The following DENND11 variants were observed in gnomAD, a reference collection of about 807,000 sequenced individuals.
The protein encoded by DENND11 is DENN domain containing 11, also known as DENN domain-containing protein 11.
DENND11 carries 34 observed loss-of-function variants against 49.2 expected under a neutral mutation model. The ratio of observed to expected loss-of-function variants is 0.69; its 90% CI spans 0.53 to 0.92. DENND11 has a LOEUF of 0.92. DENND11 is among the 40% of genes least tolerant of loss of function. The pLI, the probability that DENND11 is intolerant of heterozygous loss-of-function variation, is 0.00. For synonymous variants in DENND11, 238 were observed against 230.3 expected, an observed-to-expected ratio of 1.03 and a Z score of -0.30; for missense variants, 475 against 581.6, an observed-to-expected ratio of 0.82 and a Z score of 1.88.
At chr7:141,663,028 G>A in intron 8 of DENND11, 177 bp from the exon 9 acceptor site, 2 of 484,654 alleles carry the variant, frequency 4.1e-6, no homozygotes, top group South Asian at 8.5e-5. Flanking sequence ...GTGCTACTAA[G>A]GTTAGCAAAG....
intron 1 of DENND11, among the ~76,000 whole-genome samples, chr7:141,688,845 C>A (rs914120427): frequency 6.6e-6 from 1 of 152,150 alleles, no homozygotes; most frequent in Non-Finnish European, 1.5e-5. Flanking sequence ...AATAAGAGCC[C>A]CTGCTTGGGC....
intron 1 of DENND11, among the ~76,000 whole-genome samples, chr7:141,697,510 A>T (rs895570046): frequency 1.3e-5 from 2 of 152,216 alleles, no homozygotes; most frequent in Non-Finnish European, 2.9e-5. Flanking sequence ...TTCTGGCCGG[A>T]TATCAGAACA....
At chr7:141,692,054 T>A (rs1388270752) in intron 1 of DENND11, among the ~76,000 whole-genome samples, 1 of 152,196 alleles carries the variant, frequency 6.6e-6, no homozygotes, top group African/African-American at 2.4e-5. Context: ...CGTTTAGGAG[T>A]GACATATTAT....
rs78354123 is a variant in DENND11 at position 141,658,644 on chromosome 7, A to G, written c.*4012T>C. 6.6e-6 allele frequency: 1 copy of G among 152,198 alleles called. No homozygotes were observed. Among genetic ancestry groups the G allele is most frequent in the Non-Finnish European group, 1.5e-5 (1 of 68,100 alleles). 9.4% of individuals were successfully genotyped at this position (152,198 alleles called of 1,614,324 possible). On this transcript the variant is annotated 3_prime_UTR_variant, in exon 9 of 9. Transcript: ENST00000536163. ...CCACTGCCAAGCTGAGCATTATCCT[A>G]TTTTATTCATCCACCTGCCCCTCCT...
chr7:141,685,051 TA>T (rs1365999586), intron 3 of DENND11, among the ~76,000 whole-genome samples: 7 of 137,842 alleles, frequency 5.1e-5, no homozygotes, highest in African/African-American at 1.3e-4. Flanking sequence ...TATATATATA[TA>T]TATATATTTT....
chr7:141,690,224 G>C (rs1798305371), intron 1 of DENND11, among the ~76,000 whole-genome samples: 1 of 152,188 alleles, frequency 6.6e-6, no homozygotes. Flanking sequence ...ACCATCCCTT[G>C]ATCTTCCTTC....
At chr7:141,698,258 T>C (rs545113389) in intron 1 of DENND11, among the ~76,000 whole-genome samples, 2 of 152,264 alleles carry the variant, frequency 1.3e-5, no homozygotes, top group South Asian at 4.2e-4. Context: ...TGTGACAATA[T>C]CCTCTCCTTT....
At chr7:141,700,693 T>C (rs982885621) in intron 1 of DENND11, among the ~76,000 whole-genome samples, 1 of 151,948 alleles carries the variant, frequency 6.6e-6, no homozygotes, top group African/African-American at 2.4e-5. Context: ...AAGGCCTGAA[T>C]TGTCCCCACA....
At chr7:141,697,559 C>T (rs1038465833) in intron 1 of DENND11, among the ~76,000 whole-genome samples, 5 of 152,200 alleles carry the variant, frequency 3.3e-5, no homozygotes, top group African/African-American at 9.7e-5. Context: ...TCCATGCTTA[C>T]GACTGCTCTT....
At position 141,668,540 on chromosome 7, in the gene DENND11, C is replaced by T. The variant is rs60100646; in HGVS notation, c.682-2115G>A. Among the ~76,000 whole-genome samples, 714 of 152,294 alleles carry T rather than the reference C, an allele frequency of 4.7e-3. 8 individuals are homozygous for T. The highest frequency in any genetic ancestry group is 0.017 in the African/African-American group (688 of 41,566). ...GGCAGAGGTTGCAGTCAGTTGAGAT[C>T]ACACCACTGCCCTCCAGCCTGGGCA... On this transcript the variant is annotated intron_variant, in intron 4 of 8. Coordinates refer to ENST00000536163, the MANE Select transcript of DENND11 (RefSeq NM_001080392.2).
intron 1 of DENND11, among the ~76,000 whole-genome samples, chr7:141,691,391 T>A (rs112260925): frequency 0.011 from 1,612 of 152,330 alleles, 23 homozygotes; most frequent in African/African-American, 0.035. Flanking sequence ...ATCTTGATTA[T>A]GCCACTGTTG....
At chr7:141,670,685 G>T (rs538427531) in intron 4 of DENND11, among the ~76,000 whole-genome samples, 1 of 152,168 alleles carries the variant, frequency 6.6e-6, no homozygotes, top group African/African-American at 2.4e-5. Context: ...AATTGCTTCC[G>T]CACCATCATA....
Position 141,664,959 on chromosome 7 carries a change from G to A in DENND11, c.1048C>T (p.Leu350=), listed in dbSNP as rs1227561079. ...CTGTCAGCACTGTTGATCTTCAGCA[G>A]CGGCTGCAGGTGGTCGTGGTGTGTC... ...VKTHHDHLQP[L]LKINSADREK... The change falls in exon 7 of 9, where the codon CTG becomes TTG. Residue 350 remains leucine, a synonymous_variant. Transcript: ENST00000536163. 6.2e-7 allele frequency: 1 copy of A among 1,613,600 alleles called. No homozygotes were observed. The highest frequency in any genetic ancestry group is 1.3e-5 in the African/African-American group (1 of 74,942).
chr7:141,700,471 C>T (rs1437339794), intron 1 of DENND11, among the ~76,000 whole-genome samples: 1 of 141,064 alleles, frequency 7.1e-6, no homozygotes, highest in East Asian at 2.0e-4. Context: ...GAGTGAGACA[C>T]TGTCTGAAAA....
At chr7:141,674,817 C>T (rs1005756307) in intron 3 of DENND11, among the ~76,000 whole-genome samples, 2 of 152,186 alleles carry the variant, frequency 1.3e-5, no homozygotes, top group African/African-American at 2.4e-5. Context: ...TCCACCAGCT[C>T]GGGTCACAGA....
intron 1 of DENND11, among the ~76,000 whole-genome samples, chr7:141,690,759 ATGTG>A (rs1305984242): frequency 6.6e-6 from 1 of 152,190 alleles, no homozygotes; most frequent in South Asian, 2.1e-4. Flanking sequence ...ATTTTGTGAA[ATGTG>A]TGTGTTTTTG....
intron 2 of DENND11, among the ~76,000 whole-genome samples, 163 bp downstream of exon 2, chr7:141,686,396 G>A (rs1334872339): frequency 6.6e-6 from 1 of 152,176 alleles, no homozygotes; most frequent in African/African-American, 2.4e-5. Flanking sequence ...ATGAAAGCTA[G>A]ACATCTCACT....
At chr7:141,687,539 C>T (rs1338316908) in intron 1 of DENND11, among the ~76,000 whole-genome samples, 1 of 151,018 alleles carries the variant, frequency 6.6e-6, no homozygotes, top group African/African-American at 2.4e-5. Context: ...TCTCGGGTCA[C>T]TGCAAGCTCC....
At chr7:141,690,624 C>T (rs1798312778) in intron 1 of DENND11, among the ~76,000 whole-genome samples, 1 of 152,234 alleles carries the variant, frequency 6.6e-6, no homozygotes, top group South Asian at 2.1e-4. Context: ...CTACTGACTA[C>T]ATCCCTAGGA....
Sources: gnomAD v4.1 joint callset for allele counts (sites outside exome capture counted in the v4.1 genomes callset) on GRCh38, gnomAD v4.1.1 for gene constraint, MANE v1.5 for transcripts, NCBI Gene and HGNC (gene_info 2026-07-23, HGNC 2026-07-21) for gene names.